PTPRD: variants seen among roughly 807,000 people sequenced by gnomAD.
The protein encoded by PTPRD is receptor-type tyrosine-protein phosphatase delta.
PTPRD carries 34 observed loss-of-function variants against 214.5 expected under a neutral mutation model. That is an observed-to-expected ratio of 0.16 (90% CI 0.12 to 0.21). The LOEUF (loss-of-function observed/expected upper bound fraction) is 0.21. Among genes scored for constraint, PTPRD ranks in the 10% least tolerant of loss-of-function variants. The pLI, the probability that PTPRD is intolerant of heterozygous loss-of-function variation, is 1.00. For synonymous variants in PTPRD, 1,128 were observed against 845.7 expected, an observed-to-expected ratio of 1.33 and a Z score of -5.79; for missense variants, 2,545 against 2,398.7, an observed-to-expected ratio of 1.06 and a Z score of -1.27.
At chr9:8,446,262 T>C (rs1206430264) in intron 34 of PTPRD, among the ~76,000 whole-genome samples, 2 of 152,188 alleles carry the variant, frequency 1.3e-5, no homozygotes, top group Non-Finnish European at 1.5e-5. Context: ...TTATATGAAA[T>C]GGGGAATATC....
At chr9:10,239,216 C>A (rs1319525392) in intron 3 of PTPRD, among the ~76,000 whole-genome samples, 1 of 151,858 alleles carries the variant, frequency 6.6e-6, no homozygotes, top group Non-Finnish European at 1.5e-5. Context: ...TTCCATCAGG[C>A]AAAGTCACAT....
intron 9 of PTPRD, among the ~76,000 whole-genome samples, chr9:9,376,073 A>AAGGAAGACC (rs6150907): frequency 3.3e-5 from 5 of 152,136 alleles, no homozygotes; most frequent in Non-Finnish European, 5.9e-5. Flanking sequence ...GAACTTGCTC[A>AAGGAAGACC]TCATTATTAT....
chr9:10,017,625 A>C (rs1379992103), intron 4 of PTPRD, among the ~76,000 whole-genome samples: 2 of 152,038 alleles, frequency 1.3e-5, no homozygotes, highest in African/African-American at 4.8e-5. Flanking sequence ...GCCAATTTTA[A>C]TTTTTCCATA....
chr9:10,444,753 G>T (rs542929233), intron 2 of PTPRD, among the ~76,000 whole-genome samples: 1 of 151,718 alleles, frequency 6.6e-6, no homozygotes, highest in Non-Finnish European at 1.5e-5. Context: ...ACAATAAAGT[G>T]TAATAAAAGT....
intron 2 of PTPRD, among the ~76,000 whole-genome samples, chr9:10,412,414 A>C (rs997188022): frequency 6.6e-6 from 1 of 151,772 alleles, no homozygotes. Context: ...AAACTGAATC[A>C]GTAATAAGTA....
intron 12 of PTPRD, among the ~76,000 whole-genome samples, chr9:8,701,804 C>T (rs987957698): frequency 6.6e-6 from 1 of 152,152 alleles, no homozygotes; most frequent in Non-Finnish European, 1.5e-5. Flanking sequence ...ATCTCAGTTA[C>T]TGCCACCATT....
At chr9:10,375,806 A>G (rs188385108) in intron 2 of PTPRD, among the ~76,000 whole-genome samples, 1 of 152,126 alleles carries the variant, frequency 6.6e-6, no homozygotes, top group East Asian at 1.9e-4. Context: ...TATTCTCTTC[A>G]GAATAAGAGA....
At chr9:9,924,345 G>A (rs977136118) in intron 5 of PTPRD, among the ~76,000 whole-genome samples, 1 of 151,976 alleles carries the variant, frequency 6.6e-6, no homozygotes, top group African/African-American at 2.4e-5. Flanking sequence ...TTTCTCTATT[G>A]AACAGGACTA....
intron 31 of PTPRD, 101 bp downstream of exon 31, chr9:8,470,894 C>T: frequency 9.8e-7 from 1 of 1,015,864 alleles, no homozygotes; most frequent in East Asian, 2.4e-5. Flanking sequence ...ATGGAGAAGC[C>T]AGCACCCAGA....
intron 9 of PTPRD, among the ~76,000 whole-genome samples, chr9:9,347,947 A>G (rs998754265): frequency 3.9e-5 from 6 of 152,188 alleles, no homozygotes; most frequent in Non-Finnish European, 8.8e-5. Flanking sequence ...TAGTGACATC[A>G]GTAGCCATTA....
chr9:9,818,274 T>C (rs538738422), intron 5 of PTPRD, among the ~76,000 whole-genome samples: 1 of 152,134 alleles, frequency 6.6e-6, no homozygotes, highest in African/African-American at 2.4e-5. Flanking sequence ...CCCTAGACAA[T>C]ATTACATAGC....
chr9:9,623,209 T>A (rs1382964775), intron 7 of PTPRD, among the ~76,000 whole-genome samples: 1 of 152,212 alleles, frequency 6.6e-6, no homozygotes, highest in Non-Finnish European at 1.5e-5. Flanking sequence ...GTATTTTTCT[T>A]ACTAGCATCT....
At chr9:10,468,231 G>T (rs1266832328) in intron 2 of PTPRD, among the ~76,000 whole-genome samples, 2 of 151,988 alleles carry the variant, frequency 1.3e-5, no homozygotes, top group Non-Finnish European at 2.9e-5. Flanking sequence ...ATTCACAATA[G>T]CAAAACTTGT....
chr9:9,640,980 A>G (rs1288922377), intron 7 of PTPRD, among the ~76,000 whole-genome samples: 3 of 152,374 alleles, frequency 2.0e-5, no homozygotes, highest in East Asian at 1.9e-4. Flanking sequence ...AAATAGTTCT[A>G]TGTGCCTAAC....
At chr9:8,473,840 C>T (rs1159945683) in intron 30 of PTPRD, among the ~76,000 whole-genome samples, 1 of 152,182 alleles carries the variant, frequency 6.6e-6, no homozygotes, top group African/African-American at 2.4e-5. Context: ...CTAAAGCATT[C>T]ATCTAGGGCA....
At chr9:8,719,239 C>T (rs977379801) in intron 12 of PTPRD, among the ~76,000 whole-genome samples, 2 of 152,138 alleles carry the variant, frequency 1.3e-5, no homozygotes, top group African/African-American at 4.8e-5. Flanking sequence ...ATGGCACTAA[C>T]AGCTGAATAC....
At chr9:8,616,938 T>C (rs910680668) in intron 14 of PTPRD, among the ~76,000 whole-genome samples, 2 of 152,142 alleles carry the variant, frequency 1.3e-5, no homozygotes, top group African/African-American at 2.4e-5. Flanking sequence ...GATTTCCTCA[T>C]ATAGAAGTTC....
intron 3 of PTPRD, among the ~76,000 whole-genome samples, chr9:10,297,663 A>G (rs1190157280): frequency 1.3e-5 from 2 of 152,076 alleles, no homozygotes; most frequent in Non-Finnish European, 2.9e-5. Context: ...AAATGAATCA[A>G]TAATCACTCA....
At chr9:9,042,759 C>T (rs1223434210) in intron 10 of PTPRD, among the ~76,000 whole-genome samples, 1 of 151,740 alleles carries the variant, frequency 6.6e-6, no homozygotes, top group Non-Finnish European at 1.5e-5. Flanking sequence ...ATGCCAGATA[C>T]TTGGTTTCCC....
Sources: gnomAD v4.1 joint callset for allele counts (sites outside exome capture counted in the v4.1 genomes callset) on GRCh38, gnomAD v4.1.1 for gene constraint, MANE v1.5 for transcripts, NCBI Gene and HGNC (gene_info 2026-07-23, HGNC 2026-07-21) for gene names.